RNGTT: variants seen among roughly 807,000 people sequenced by gnomAD.
RNGTT encodes the protein RNA guanylyltransferase and 5'-phosphatase.
In RNGTT, 33 loss-of-function variants were observed where a neutral mutation model predicts 79.3. The observed-to-expected ratio is 0.42, with a 90% CI of 0.32 to 0.56. The LOEUF is 0.56. Among genes scored for constraint, RNGTT ranks in the 20% least tolerant of loss-of-function variants. The pLI is 0.17. For synonymous variants in RNGTT, 222 were observed against 235.9 expected (o/e 0.94, Z 0.54); for missense variants, 497 against 739.1 (o/e 0.67, Z 3.80).
At chr6:88,949,227 A>G (rs1337020546) in intron 1 of RNGTT, among the ~76,000 whole-genome samples, 1 of 147,740 alleles carries the variant, frequency 6.8e-6, no homozygotes, top group Admixed American at 6.7e-5. Flanking sequence ...TCCAGTGAAC[A>G]CACAAATGAT....
chr6:88,634,783 A>G (rs1320576220), intron 14 of RNGTT, among the ~76,000 whole-genome samples: 2 of 152,160 alleles, frequency 1.3e-5, no homozygotes, highest in East Asian at 1.9e-4. Context: ...TAAAAAATAT[A>G]AAAGATGAAG....
intron 6 of RNGTT, among the ~76,000 whole-genome samples, chr6:88,894,468 T>C (rs1341120741): frequency 6.6e-6 from 1 of 152,242 alleles, no homozygotes; most frequent in Non-Finnish European, 1.5e-5. Context: ...GCCTCATCCC[T>C]ACCTTGTTTT....
intron 11 of RNGTT, among the ~76,000 whole-genome samples, chr6:88,820,979 A>T (rs1780480297): frequency 6.6e-6 from 1 of 152,136 alleles, no homozygotes; most frequent in Non-Finnish European, 1.5e-5. Flanking sequence ...ATGGAGAGGC[A>T]AACGATCTAA....
chr6:88,764,312 CT>C (rs2127838491), intron 13 of RNGTT, among the ~76,000 whole-genome samples: 1 of 152,242 alleles, frequency 6.6e-6, no homozygotes, highest in South Asian at 2.1e-4. Flanking sequence ...ACTGGTATGT[CT>C]ATTAACATCA....
At chr6:88,672,715 T>C (rs1398211778) in intron 14 of RNGTT, among the ~76,000 whole-genome samples, 6 of 152,280 alleles carry the variant, frequency 3.9e-5, no homozygotes, top group African/African-American at 1.4e-4. Context: ...GTAATAATTT[T>C]TCAAAAAAAG....
At chr6:88,682,497 T>C (rs186740186) in intron 13 of RNGTT, among the ~76,000 whole-genome samples, 29 of 152,352 alleles carry the variant, frequency 1.9e-4, no homozygotes, top group Non-Finnish European at 3.8e-4. Flanking sequence ...ATGCATATCA[T>C]TGATAAGGTC....
intron 8 of RNGTT, among the ~76,000 whole-genome samples, chr6:88,862,951 A>C (rs1359993902): frequency 6.6e-6 from 1 of 152,188 alleles, no homozygotes; most frequent in Non-Finnish European, 1.5e-5. Flanking sequence ...TAAGTACAGC[A>C]GGCCTCTTCA....
At chr6:88,635,634 T>G (rs944596100) in intron 14 of RNGTT, among the ~76,000 whole-genome samples, 1 of 152,080 alleles carries the variant, frequency 6.6e-6, no homozygotes, top group Non-Finnish European at 1.5e-5. Flanking sequence ...GATATGTAGA[T>G]TTATAATCGT....
intron 1 of RNGTT, among the ~76,000 whole-genome samples, chr6:88,954,017 T>C (rs1183879606): frequency 6.6e-6 from 1 of 151,924 alleles, no homozygotes; most frequent in Non-Finnish European, 1.5e-5. Flanking sequence ...TACACCAAAA[T>C]AGAACATCCT....
intron 13 of RNGTT, among the ~76,000 whole-genome samples, chr6:88,693,907 C>A (rs1582339465): frequency 6.6e-6 from 1 of 152,254 alleles, no homozygotes; most frequent in East Asian, 1.9e-4. Context: ...AACATCCTTT[C>A]ATGATAGAAA....
chr6:88,633,686 T>C lies in RNGTT; in HGVS notation c.1507-19291A>G, dbSNP rs575549127. 1.4e-4 allele frequency among the ~76,000 whole-genome samples: 21 copies of C among 152,260 alleles called. 1 individual carries two copies. In the South Asian group the frequency reaches 1.7e-3, roughly 12 times the overall value. On this transcript the variant is annotated intron_variant, in intron 14 of 15. Coordinates refer to ENST00000369485, the MANE Select transcript of RNGTT (RefSeq NM_003800.5). ...TTCCAATTCTGCATATATATATTAA[T>C]AAAAAGTTACACACTTAGGACTGAA...
chr6:88,834,069 T>C (rs1780977828), intron 11 of RNGTT, among the ~76,000 whole-genome samples: 1 of 152,198 alleles, frequency 6.6e-6, no homozygotes, highest in African/African-American at 2.4e-5. Flanking sequence ...CATTTTCCTC[T>C]GAATCTACAA....
intron 12 of RNGTT, among the ~76,000 whole-genome samples, chr6:88,775,876 T>C (rs1241384440): frequency 2.6e-5 from 4 of 152,228 alleles, no homozygotes; most frequent in Non-Finnish European, 5.9e-5. Flanking sequence ...ACAGGATCTT[T>C]TTTTCTAAGC....
chr6:88,616,269 C>T (rs1470943483), intron 14 of RNGTT, among the ~76,000 whole-genome samples: 1 of 152,208 alleles, frequency 6.6e-6, no homozygotes, highest in Non-Finnish European at 1.5e-5. Context: ...GACACGTGGG[C>T]TGCTTCTACC....
chr6:88,920,886 T>C (rs76690702), intron 4 of RNGTT, among the ~76,000 whole-genome samples: 1 of 152,326 alleles, frequency 6.6e-6, no homozygotes, highest in Non-Finnish European at 1.5e-5. Context: ...GATATATATA[T>C]ATTTTGTTTT....
intron 13 of RNGTT, among the ~76,000 whole-genome samples, chr6:88,727,320 A>C (rs1163982285): frequency 1.3e-5 from 2 of 152,234 alleles, no homozygotes; most frequent in East Asian, 3.8e-4. Context: ...ATACATTAAA[A>C]GGTTAAAAAA....
chr6:88,786,504 A>G (rs1350552714), intron 12 of RNGTT, among the ~76,000 whole-genome samples: 1 of 152,202 alleles, frequency 6.6e-6, no homozygotes, highest in Non-Finnish European at 1.5e-5. Context: ...GTGTAATCAC[A>G]GAACTGAAAA....
At chr6:88,616,808 A>G (rs76312037) in intron 14 of RNGTT, among the ~76,000 whole-genome samples, 2,058 of 152,246 alleles carry the variant, frequency 0.014, 42 homozygotes, top group African/African-American at 0.047. Context: ...CAGATGTACA[A>G]TTTGCAATTA....
At chr6:88,687,509 T>C (rs758068084) in intron 13 of RNGTT, among the ~76,000 whole-genome samples, 4 of 152,218 alleles carry the variant, frequency 2.6e-5, no homozygotes, top group Non-Finnish European at 5.9e-5. Flanking sequence ...AGTTGCAAAA[T>C]GTTAAGGACA....
Sources: allele counts gnomAD v4.1 joint callset (sites outside exome capture counted in the v4.1 genomes callset), GRCh38; gene constraint gnomAD v4.1.1; transcripts MANE v1.5; gene names NCBI Gene and HGNC (gene_info 2026-07-23, HGNC 2026-07-21).